MBNL3: variants seen among roughly 807,000 people sequenced by gnomAD.
MBNL3 encodes the protein muscleblind-like protein 3.
A neutral mutation model predicts 24.5 loss-of-function variants in MBNL3; 6 were observed. That is an observed-to-expected ratio of 0.25 (90% confidence interval 0.13 to 0.48). MBNL3 has a LOEUF of 0.48. Ranked by LOEUF, MBNL3 falls within the 20% of genes least tolerant of loss-of-function variation. The probability of loss-of-function intolerance (pLI) is 0.99; values close to 1 mark genes in which losing one functional copy is unlikely to be tolerated. For synonymous variants in MBNL3, 100 were observed against 101.7 expected (o/e 0.98, Z 0.10); for missense variants, 230 against 293.5 (o/e 0.78, Z 1.58).
rs1933637693 is a variant in MBNL3 at position 132,371,849 on chromosome X, T to G, written c.*7817A>C. 1 of 111,409 alleles carries G rather than the reference T, an allele frequency of 9.0e-6. No individual in the cohort carries two copies. Among genetic ancestry groups the G allele is most frequent in the Non-Finnish European group, 1.9e-5 (1 of 52,957 alleles). The allele number at this position is 111,409 out of a possible 1,213,427, so 9.2% of individuals were successfully genotyped here. On this transcript the variant is annotated 3_prime_UTR_variant, in exon 9 of 9. Transcript: ENST00000370853. The stretch of plus-strand genomic sequence containing the variant: ...ACTGATGGTATATTTGGAAATAAAT[T>G]TACTCTATGTATGAAATATAACATT...
chrX:132,400,225 TAATAA>T (rs757675007), intron 3 of MBNL3, among the ~76,000 whole-genome samples: 63 of 111,370 alleles, frequency 5.7e-4, no homozygotes, highest in African/African-American at 1.1e-3. Context: ...AGTATAATAA[TAATAA>T]AATAAAATAA....
rs1569424047 is a variant in MBNL3 at position 132,396,511 on chromosome X, CATATATATT to C, written c.343-4186_343-4178del. On this transcript the variant is annotated intron_variant, in intron 3 of 8. Transcript: ENST00000370853. ...TCCTATATATATTCCTATATATATTCATATATATTCATATATATATTCATATATATATTC... is the reference window on the plus strand; with the variant it reads ...TCCTATATATATTCCTATATATATTCCATATATATATTCATATATATATTC... Among the ~76,000 whole-genome samples the C allele has an allele frequency of 3.8e-3, 188 of 50,041 alleles. 14 individuals carry two copies. Among genetic ancestry groups the C allele is most frequent in the African/African-American group, 0.036 (182 of 5,044 alleles). The allele number at this position is 50,041 out of a possible 115,157, so 43.5% of individuals were successfully genotyped here.
intron 2 of MBNL3, chrX:132,431,580 T>A (rs1194698822): frequency 8.9e-6 from 1 of 111,738 alleles, no homozygotes; most frequent in Non-Finnish European, 1.9e-5. Flanking sequence ...CCTGCTTCTG[T>A]CCAGAATTAG....
At chrX:132,399,804 TAAA>T (rs199556571) in intron 3 of MBNL3, among the ~76,000 whole-genome samples, 5 of 91,472 alleles carry the variant, frequency 5.5e-5, no homozygotes, top group Non-Finnish European at 6.6e-5. Flanking sequence ...AACCTGCAGG[TAAA>T]AAAAAAAAAA....
chrX:132,406,494 A>C, intron 2 of MBNL3, 102 bp from the exon 3 acceptor site: 3 of 766,346 alleles, frequency 3.9e-6, no homozygotes, highest in Non-Finnish European at 5.5e-6. Context: ...AAAACTCTTC[A>C]TCTTGAATCC....
intron 1 of MBNL3, among the ~76,000 whole-genome samples, chrX:132,472,471 C>G (rs759220265): frequency 8.0e-5 from 9 of 112,002 alleles, no homozygotes; most frequent in East Asian, 5.6e-4. Context: ...GTAAATGTTT[C>G]TCTCTCTCAA....
At chrX:132,411,336 C>T in intron 2 of MBNL3, 1 of 754,155 alleles carries the variant, frequency 1.3e-6, no homozygotes, top group Middle Eastern at 7.6e-4. Flanking sequence ...TATCTGTCTC[C>T]AGAGAACTTT....
intron 1 of MBNL3, among the ~76,000 whole-genome samples, chrX:132,484,928 C>T (rs757521203): frequency 3.5e-4 from 36 of 102,788 alleles, no homozygotes; most frequent in Non-Finnish European, 5.9e-4. Context: ...GGAGAATACA[C>T]ACGCGCACAC....
chrX:132,422,666 G>C (rs1174577404), intron 2 of MBNL3, among the ~76,000 whole-genome samples: 1 of 111,980 alleles, frequency 8.9e-6, no homozygotes, highest in African/African-American at 3.2e-5. Context: ...TTGAACAAGT[G>C]GTGAGGAAGG....
intron 1 of MBNL3, among the ~76,000 whole-genome samples, chrX:132,454,182 T>C (rs1001187606): frequency 9.0e-6 from 1 of 111,262 alleles, no homozygotes; most frequent in African/African-American, 3.3e-5. Context: ...AAGATATTCA[T>C]TGATAAGATT....
At chrX:132,418,435 A>G (rs746916695) in intron 2 of MBNL3, among the ~76,000 whole-genome samples, 1 of 111,903 alleles carries the variant, frequency 8.9e-6, no homozygotes, top group African/African-American at 3.2e-5. Flanking sequence ...TGACATAACT[A>G]ATAAGTAGCA....
At position 132,371,428 on chromosome X, in the gene MBNL3, T is replaced by G. The variant is rs1191464082; in HGVS notation, c.*8238A>C. ...TATTACTAAATTACATTTACTTTCT[T>G]AAAGAACAAAAATGATCATCCTTTT... On this transcript the variant is annotated 3_prime_UTR_variant, in exon 9 of 9. Transcript: ENST00000370853. 8.9e-6 allele frequency: 1 copy of G among 112,333 alleles called. No homozygotes were observed. The highest frequency in any genetic ancestry group is 1.9e-5 in the Non-Finnish European group (1 of 53,224). 9.3% of individuals were successfully genotyped at this position (112,333 alleles called of 1,213,427 possible).
intron 8 of MBNL3, chrX:132,381,378 ACAT>A: frequency 8.5e-7 from 1 of 1,173,650 alleles, no homozygotes. Flanking sequence ...GAGAACTTCT[ACAT>A]CTGTGAAACA....
At chrX:132,486,472 C>CG (rs1228049105) in intron 1 of MBNL3, among the ~76,000 whole-genome samples, 1 of 111,763 alleles carries the variant, frequency 8.9e-6, no homozygotes, top group East Asian at 2.8e-4. Flanking sequence ...AATAATACAC[C>CG]TACTGGTCAA....
chrX:132,387,323 C>CA (rs1936268527), intron 5 of MBNL3, among the ~76,000 whole-genome samples: 2 of 65,986 alleles, frequency 3.0e-5, no homozygotes, highest in Non-Finnish European at 5.9e-5. Context: ...AGCAGTAGTG[C>CA]AAAACAAAAA....
At chrX:132,391,796 CT>C (rs778900088) in intron 4 of MBNL3, among the ~76,000 whole-genome samples, 1 of 111,704 alleles carries the variant, frequency 9.0e-6, no homozygotes, top group African/African-American at 3.3e-5. Context: ...ATATTGTCTA[CT>C]TTTTTCCCAC....
chrX:132,373,689 AG>A lies in MBNL3; in HGVS notation c.*5976del, dbSNP rs1933842605. The A allele has an allele frequency of 8.9e-6, 1 of 111,930 alleles. No homozygotes were observed. Among genetic ancestry groups the A allele is most frequent in the Non-Finnish European group, 1.9e-5 (1 of 53,092 alleles). 9.2% of individuals were successfully genotyped at this position (111,930 alleles called of 1,213,427 possible). On this transcript the variant is annotated 3_prime_UTR_variant, in exon 9 of 9. Transcript: ENST00000370853. ...AACCTTTCTAACCTTGACCTCTTCT[AG>A]GCCTCATTGCCTGGGGGCAAAAAGA... is the stretch of plus-strand genomic sequence containing the variant.
chrX:132,380,607 G>A (rs1286688097), intron 8 of MBNL3, among the ~76,000 whole-genome samples: 1 of 111,410 alleles, frequency 9.0e-6, no homozygotes, highest in Non-Finnish European at 1.9e-5. Context: ...GAACAGAACT[G>A]CTGCCTCCTT....
intron 2 of MBNL3, among the ~76,000 whole-genome samples, chrX:132,436,674 T>C (rs1254495342): frequency 8.9e-6 from 1 of 111,964 alleles, no homozygotes; most frequent in East Asian, 2.8e-4. Flanking sequence ...TTGTATATTA[T>C]AGATATGATA....
Sources: gnomAD v4.1 joint callset for allele counts (sites outside exome capture counted in the v4.1 genomes callset) on GRCh38, gnomAD v4.1.1 for gene constraint, MANE v1.5 for transcripts, NCBI Gene and HGNC (gene_info 2026-07-23, HGNC 2026-07-21) for gene names.